NCALD: variants seen among roughly 807,000 people sequenced by gnomAD.
NCALD encodes the protein neurocalcin delta.
Under a neutral mutation model 18.6 loss-of-function variants are expected in NCALD, and 10 were observed. That is an observed-to-expected ratio of 0.54 (90% CI 0.33 to 0.91). NCALD has a LOEUF of 0.91. Among genes scored for constraint, NCALD ranks in the 40% least tolerant of loss-of-function variants. The probability of loss-of-function intolerance (pLI) is 0.03; values close to 1 mark genes in which losing one functional copy is unlikely to be tolerated. For missense variants in NCALD, 184 were observed against 247.6 expected (o/e 0.74, Z 1.72); for synonymous variants, 88 against 87.4 (o/e 1.01, Z -0.04).
chr8:101,982,636 C>T (rs1563507274), intron 2 of NCALD, among the ~76,000 whole-genome samples: 1 of 151,960 alleles, frequency 6.6e-6, no homozygotes, highest in Non-Finnish European at 1.5e-5. Context: ...GTCAGGAGAT[C>T]GAGACGATCC....
intron 1 of NCALD, among the ~76,000 whole-genome samples, chr8:101,788,361 T>C (rs1192315020): frequency 6.6e-6 from 1 of 152,210 alleles, no homozygotes; most frequent in Non-Finnish European, 1.5e-5. Flanking sequence ...TCAATTAAAA[T>C]GTAGGCCACA....
chr8:101,841,428 C>G (rs189216610), intron 4 of NCALD, among the ~76,000 whole-genome samples: 1 of 152,304 alleles, frequency 6.6e-6, no homozygotes, highest in East Asian at 1.9e-4. Context: ...CCAGATACTT[C>G]TTTGTTGTAG....
chr8:101,810,385 T>G (rs1813262448), intron 4 of NCALD, among the ~76,000 whole-genome samples: 1 of 152,184 alleles, frequency 6.6e-6, no homozygotes, highest in African/African-American at 2.4e-5. Context: ...AAAGAGCTAC[T>G]CTCTATAATT....
intron 4 of NCALD, among the ~76,000 whole-genome samples, chr8:101,876,740 CT>C (rs746469901): frequency 3.7e-4 from 57 of 152,332 alleles, no homozygotes; most frequent in Admixed American, 1.6e-3. Context: ...GTACTTATTG[CT>C]GCTGCTGCTC....
chr8:101,721,145 T>C (rs1420986127), intron 1 of NCALD: 3 of 128,928 alleles, frequency 2.3e-5, no homozygotes, highest in African/African-American at 8.7e-5. Context: ...TCTGCACTTG[T>C]ATTTTGCATT....
intron 1 of NCALD, among the ~76,000 whole-genome samples, chr8:101,763,320 A>C (rs538877556): frequency 6.6e-6 from 1 of 152,272 alleles, no homozygotes; most frequent in African/African-American, 2.4e-5. Flanking sequence ...GCTATGGTTG[A>C]AGTCTGGGTA....
chr8:101,984,360 C>A (rs1321017952), intron 2 of NCALD, among the ~76,000 whole-genome samples: 1 of 152,134 alleles, frequency 6.6e-6, no homozygotes, highest in Non-Finnish European at 1.5e-5. Flanking sequence ...ACCAGTATAA[C>A]AATATATATC....
intron 1 of NCALD, among the ~76,000 whole-genome samples, chr8:101,723,062 T>C (rs1400397283): frequency 1.3e-5 from 2 of 152,176 alleles, no homozygotes; most frequent in African/African-American, 4.8e-5. Context: ...AAGACAGGAA[T>C]TTCTGCCCGT....
intron 2 of NCALD, among the ~76,000 whole-genome samples, chr8:102,000,250 C>A (rs1821401954): frequency 6.6e-6 from 1 of 152,010 alleles, no homozygotes; most frequent in Non-Finnish European, 1.5e-5. Context: ...CTCAGAGGGT[C>A]CTACACCCAC....
intron 1 of NCALD, among the ~76,000 whole-genome samples, chr8:102,123,163 T>G (rs1435604446): frequency 6.6e-6 from 1 of 152,236 alleles, no homozygotes; most frequent in African/African-American, 2.4e-5. Flanking sequence ...TACAGTGGCT[T>G]AGGTCTGTTA....
intron 1 of NCALD, among the ~76,000 whole-genome samples, chr8:102,076,190 G>A (rs1162508532): frequency 6.6e-6 from 1 of 152,040 alleles, no homozygotes; most frequent in Non-Finnish European, 1.5e-5. Flanking sequence ...CATGAAACGT[G>A]TTTATTAAGA....
At chr8:102,107,366 T>G (rs536770861) in intron 1 of NCALD, among the ~76,000 whole-genome samples, 1 of 151,864 alleles carries the variant, frequency 6.6e-6, no homozygotes, top group East Asian at 1.9e-4. Flanking sequence ...ACAATGGCCC[T>G]GATACATTTT....
intron 2 of NCALD, among the ~76,000 whole-genome samples, chr8:101,955,547 A>G (rs1563930718): frequency 6.6e-6 from 1 of 152,228 alleles, no homozygotes; most frequent in Non-Finnish European, 1.5e-5. Context: ...TAAGGACTCT[A>G]GGAAATACAG....
chr8:101,920,565 A>C (rs1818125589), intron 2 of NCALD, among the ~76,000 whole-genome samples: 1 of 152,212 alleles, frequency 6.6e-6, no homozygotes, highest in Admixed American at 6.5e-5. Flanking sequence ...GAATGAAATC[A>C]TGTTCTTTGC....
At chr8:101,770,429 A>G (rs1811535810) in intron 1 of NCALD, among the ~76,000 whole-genome samples, 1 of 152,194 alleles carries the variant, frequency 6.6e-6, no homozygotes, top group African/African-American at 2.4e-5. Context: ...CCATTATCTA[A>G]AATCTCCTTA....
At chr8:102,019,841 T>C (rs1162474081) in intron 2 of NCALD, among the ~76,000 whole-genome samples, 1 of 152,176 alleles carries the variant, frequency 6.6e-6, no homozygotes, top group African/African-American at 2.4e-5. Flanking sequence ...TCAGTGGATA[T>C]AGAAAAGCAT....
intron 4 of NCALD, among the ~76,000 whole-genome samples, chr8:101,870,115 G>A (rs377702986): frequency 3.3e-5 from 5 of 152,298 alleles, no homozygotes; most frequent in South Asian, 4.1e-4. Flanking sequence ...CTCACCAGAC[G>A]AAGAGGGGAC....
At chr8:101,874,314 T>G (rs1181227507) in intron 4 of NCALD, among the ~76,000 whole-genome samples, 1 of 152,162 alleles carries the variant, frequency 6.6e-6, no homozygotes, top group Non-Finnish European at 1.5e-5. Context: ...TGTGAAGGTT[T>G]ACATTTTAAT....
At chr8:101,733,715 A>C (rs1211685202) in intron 1 of NCALD, among the ~76,000 whole-genome samples, 1 of 152,180 alleles carries the variant, frequency 6.6e-6, no homozygotes. Context: ...TGATAGATGC[A>C]AGAAAGAACG....
Sources: allele counts gnomAD v4.1 joint callset (sites outside exome capture counted in the v4.1 genomes callset), GRCh38; gene constraint gnomAD v4.1.1; transcripts MANE v1.5; gene names NCBI Gene and HGNC (gene_info 2026-07-23, HGNC 2026-07-21).